HPCA: variants seen among roughly 807,000 people sequenced by gnomAD.
The protein encoded by HPCA is neuron-specific calcium-binding protein hippocalcin.
A neutral mutation model predicts 18.2 loss-of-function variants in HPCA; 4 were observed. That is an observed-to-expected ratio of 0.22 (90% confidence interval 0.11 to 0.50). HPCA has a LOEUF of 0.50. Among genes scored for constraint, HPCA ranks in the 20% least tolerant of loss-of-function variants. HPCA has a pLI of 0.97. For synonymous variants in HPCA, 93 were observed against 103.5 expected (o/e 0.90, Z 0.61); for missense variants, 161 against 265.8 (o/e 0.61, Z 2.74).
upstream of HPCA, chr1:32,886,011 G>C (rs1641354922): frequency 6.6e-6 from 1 of 152,204 alleles, no homozygotes; most frequent in African/African-American, 2.4e-5. The surrounding 1 kb of genome is among the most constrained non-coding windows in gnomAD (Gnocchi z 7.0). Flanking sequence ...CTGGAGGAAT[G>C]GGCGCTCCAC....
Position 32,893,639 on chromosome 1 carries a change from AGGGGCG to A in HPCA, c.484+13_484+18del. ...GACACAAACAACGACGGTGAGGGGC[AGGGGCG>A]GGACGGGGTGGACGGGGCGGGCGCC... is the stretch of plus-strand genomic sequence containing the variant. On this transcript the variant is annotated intron_variant, in intron 3 of 3. Coordinates refer to ENST00000373467, the MANE Select transcript of HPCA (RefSeq NM_002143.3). This position sits in a 1 kb window ranked among gnomAD's most constrained non-coding sequence, Gnocchi z 7.5. 1 of 1,097,710 alleles carries A rather than the reference AGGGGCG, an allele frequency of 9.1e-7. No individual in the cohort carries two copies. Among genetic ancestry groups the A allele is most frequent in the Non-Finnish European group, 1.4e-6 (1 of 709,702 alleles). The allele number at this position is 1,097,710 out of a possible 1,614,324, so 68.0% of individuals were successfully genotyped here. A position where few individuals can be genotyped will look rare whatever the true frequency, so the allele number is the denominator to read the frequency against.
At position 32,889,646 on chromosome 1, in the gene HPCA, T is replaced by A. The variant is rs541619584; in HGVS notation, c.378+370T>A. Among the ~76,000 whole-genome samples, 3 of 152,210 alleles carry A rather than the reference T, an allele frequency of 2.0e-5. No homozygotes were observed. Among genetic ancestry groups the A allele is most frequent in the Non-Finnish European group, 4.4e-5 (3 of 68,038 alleles). On this transcript the variant is annotated intron_variant, in intron 2 of 3. Transcript: ENST00000373467. This position sits in a 1 kb window ranked among gnomAD's most constrained non-coding sequence, Gnocchi z 4.6. ...GCACATTCTCTTACATAACCCATAA[T>A]ATGATTACCAAAGCCAGGATATTTA...
At chr1:32,887,233 G>A (rs1031272513) in intron 1 of HPCA, among the ~76,000 whole-genome samples, 7 of 152,116 alleles carry the variant, frequency 4.6e-5, no homozygotes, top group Non-Finnish European at 7.3e-5. Context: ...ATTCCCTCAC[G>A]CTGTGACGGG....
intron 2 of HPCA, among the ~76,000 whole-genome samples, chr1:32,891,240 C>T (rs536502844): frequency 6.6e-6 from 1 of 152,330 alleles, no homozygotes; most frequent in South Asian, 2.1e-4. Context: ...GCTCTGCAAG[C>T]CCCAGTGCCT....
chr1:32,894,230 A>C lies in HPCA; in HGVS notation c.*368A>C. The C allele has an allele frequency of 4.1e-6, 1 of 243,692 alleles. No homozygotes were observed. Among genetic ancestry groups the C allele is most frequent in the Non-Finnish European group, 8.0e-6 (1 of 125,136 alleles). 15.1% of individuals were successfully genotyped at this position (243,692 alleles called of 1,614,324 possible). On this transcript the variant is annotated 3_prime_UTR_variant, in exon 4 of 4. Coordinates refer to ENST00000373467, the MANE Select transcript of HPCA (RefSeq NM_002143.3). ...TCATGCCCAGGGGAGGAGACTTTTT[A>C]TCTGGAGGGGAGAGAAGGATTCTAG... is the stretch of plus-strand genomic sequence containing the variant.
chr1:32,888,820 C>A (rs1280935762), intron 1 of HPCA, 58 bp from the exon 2 acceptor site: 1 of 1,473,162 alleles, frequency 6.8e-7, no homozygotes, highest in Non-Finnish European at 9.1e-7. Flanking sequence ...GGAGCAGTGT[C>A]TAGTAGCCAG....
rs1183019099 is a variant in HPCA at position 32,894,537 on chromosome 1, C to G, written c.*675C>G. Reference sequence around the variant, plus strand: ...TGGGAAAGAGACACGGTCCCCCTGGCTGAGCCCCTGTCCTCCCCTCTGTCC... The same window carrying G: ...TGGGAAAGAGACACGGTCCCCCTGGGTGAGCCCCTGTCCTCCCCTCTGTCC... On this transcript the variant is annotated 3_prime_UTR_variant, in exon 4 of 4. Transcript: ENST00000373467. The G allele has an allele frequency of 8.8e-6, 4 of 456,866 alleles. No homozygotes were observed. Among genetic ancestry groups the G allele is most frequent in the Non-Finnish European group, 1.2e-5 (3 of 251,260 alleles). 28.3% of individuals were successfully genotyped at this position (456,866 alleles called of 1,614,324 possible).
intron 2 of HPCA, among the ~76,000 whole-genome samples, chr1:32,891,004 G>A (rs1641444756): frequency 6.6e-6 from 1 of 152,268 alleles, no homozygotes; most frequent in African/African-American, 2.4e-5. Context: ...ATGGACAGCA[G>A]CTGGGTACTG....
chr1:32,894,129 C>A lies in HPCA; in HGVS notation c.*267C>A. ...TCAGTCAGGCCCCCTTACCCACCCA[C>A]CAGCCCCAAGGCCCGACCCCTCCCC... On this transcript the variant is annotated 3_prime_UTR_variant, in exon 4 of 4. Coordinates refer to ENST00000373467, the MANE Select transcript of HPCA (RefSeq NM_002143.3). 2.1e-6 allele frequency: 1 copy of A among 471,196 alleles called. No homozygotes were observed. Among genetic ancestry groups the A allele is most frequent in the Non-Finnish European group, 3.8e-6 (1 of 263,230 alleles). 29.2% of individuals were successfully genotyped at this position (471,196 alleles called of 1,614,324 possible). A position where few individuals can be genotyped will look rare whatever the true frequency, so the allele number is the denominator to read the frequency against.
rs1333008899 is a variant in HPCA at position 32,889,250 on chromosome 1, C to T, written c.352C>T (p.Arg118Trp). The change falls in exon 2 of 4, where the codon CGG becomes TGG. Residue 118 changes from arginine (R) to tryptophan (W), a missense_variant. Transcript: ENST00000373467. The surrounding 1 kb of genome is among the most constrained non-coding windows in gnomAD (Gnocchi z 4.6). ...YDLDGNGYIS[R>W]EEMLEIVQAI... ...CCTGGACGGCAACGGCTACATCAGC[C>T]GGGAGGAGATGCTGGAGATCGTGCA... 1.1e-5 allele frequency: 18 copies of T among 1,613,230 alleles called. No individual in the cohort carries two copies. The highest frequency in any genetic ancestry group is 2.2e-5 in the East Asian group (1 of 44,870).
chr1:32,892,527 C>T (rs552450726), intron 2 of HPCA, among the ~76,000 whole-genome samples: 1 of 152,180 alleles, frequency 6.6e-6, no homozygotes, highest in East Asian at 1.9e-4. Flanking sequence ...GGGTGCAAGG[C>T]GGGCCTAAGA....
rs756760010 is a variant in HPCA, at chr1:32,893,788, A to G, written c.508A>G (p.Ile170Val). Residue 170 changes from isoleucine (I) to valine (V), a missense_variant, in exon 4 of 4, where the codon ATC (isoleucine) becomes GTC (valine). Ile to Val is a conservative substitution (Grantham distance 29, BLOSUM62 3). Transcript: ENST00000373467. This position sits in a 1 kb window ranked among gnomAD's most constrained non-coding sequence, Gnocchi z 7.5. The stretch of plus-strand genomic sequence containing the variant: ...AGGCAAGCTGTCCTTGGAGGAGTTC[A>G]TCCGCGGGGCCAAAAGCGACCCGTC... ...NDGKLSLEEF[I>V]RGAKSDPSIV... is the part of the protein sequence containing the mutation. 2 of 1,578,682 alleles carry G rather than the reference A, an allele frequency of 1.3e-6. No homozygotes were observed. The highest frequency in any genetic ancestry group is 1.2e-5 in the South Asian group (1 of 86,486).
intron 2 of HPCA, among the ~76,000 whole-genome samples, chr1:32,892,353 C>A (rs1641463985): frequency 6.6e-6 from 1 of 152,152 alleles, no homozygotes; most frequent in Admixed American, 6.5e-5. Flanking sequence ...CAGGAACAAC[C>A]CTGCAAAGAC....
intron 2 of HPCA, among the ~76,000 whole-genome samples, chr1:32,891,430 C>A (rs1641452035): frequency 6.6e-6 from 1 of 152,232 alleles, no homozygotes; most frequent in African/African-American, 2.4e-5. Context: ...CCTCTTGGGG[C>A]TCCCACTCTG....
In HPCA at chr1:32,893,833, T is replaced by TGCGACCCCAGCAGC. The variant is rs1641514702; in HGVS notation, c.556_569dup (p.Ser191ThrfsTer27). ...CCCGTCCATCGTGCGTCTGCTGCAG[T>TGCGACCCCAGCAGC]GCGACCCCAGCAGCGCCTCCCAGTT... On this transcript the variant is annotated frameshift_variant, in exon 4 of 4. Coordinates refer to ENST00000373467, the MANE Select transcript of HPCA (RefSeq NM_002143.3). LOFTEE classifies it high-confidence loss of function. The surrounding 1 kb of genome is among the most constrained non-coding windows in gnomAD (Gnocchi z 7.5). 6.3e-7 allele frequency: 1 copy of TGCGACCCCAGCAGC among 1,577,258 alleles called. No individual in the cohort carries two copies. Among genetic ancestry groups the TGCGACCCCAGCAGC allele is most frequent in the Non-Finnish European group, 8.6e-7 (1 of 1,162,432 alleles).
chr1:32,887,519 A>AGTG (rs1401551529), intron 1 of HPCA, among the ~76,000 whole-genome samples: 2 of 152,082 alleles, frequency 1.3e-5, no homozygotes, highest in African/African-American at 2.4e-5. Flanking sequence ...CTCAGCCTCC[A>AGTG]CAATCTAACC....
chr1:32,893,860 TGA>T lies in HPCA; in HGVS notation c.*2_*3del. 2 of 1,563,180 alleles carry T rather than the reference TGA, an allele frequency of 1.3e-6. No homozygotes were observed. Among genetic ancestry groups the T allele is most frequent in the East Asian group, 2.4e-5 (1 of 41,560 alleles). ...QCDPSSASQF[*>X] is the part of the protein sequence containing the mutation. ...CGACCCCAGCAGCGCCTCCCAGTTC[TGA>T]GAGGAGCCAGGTTCCCCTTCCTCCC... On this transcript the variant is annotated frameshift_variant and stop_lost, in exon 4 of 4. Transcript: ENST00000373467. LOFTEE classifies it high-confidence loss of function. The surrounding 1 kb of genome is among the most constrained non-coding windows in gnomAD (Gnocchi z 7.5).
chr1:32,887,297 G>C (rs1273358732), intron 1 of HPCA, among the ~76,000 whole-genome samples: 1 of 152,170 alleles, frequency 6.6e-6, no homozygotes, highest in Non-Finnish European at 1.5e-5. Context: ...TAGATGGAAA[G>C]ACACGGCAGG....
Position 32,888,729 on chromosome 1 carries a change from G to C in HPCA, c.-21-149G>C. The C allele has an allele frequency of 4.3e-6, 3 of 702,564 alleles. 1 individual carries two copies. Among genetic ancestry groups the C allele is most frequent in the Non-Finnish European group, 7.2e-6 (3 of 415,014 alleles). 43.5% of individuals were successfully genotyped at this position (702,564 alleles called of 1,614,324 possible). ...ATAGATACAGGATGCCTGGGTCTAGGCTGTGTGACCTTGGGCCAGTTCCTC... is the reference window on the plus strand; with the variant it reads ...ATAGATACAGGATGCCTGGGTCTAGCCTGTGTGACCTTGGGCCAGTTCCTC... On this transcript the variant is annotated intron_variant, in intron 1 of 3. Transcript: ENST00000373467.
Sources: gnomAD v4.1 joint callset for allele counts (sites outside exome capture counted in the v4.1 genomes callset) on GRCh38, gnomAD v4.1.1 for gene constraint, Gnocchi (gnomAD v3.1) non-coding constraint, MANE v1.5 for transcripts, NCBI Gene and HGNC (gene_info 2026-07-23, HGNC 2026-07-21) for gene names.